Variants in OR2L13 observed in about 807,000 individuals in gnomAD.
OR2L13 encodes olfactory receptor family 2 subfamily L member 13.
In OR2L13, 14 loss-of-function variants were observed where a neutral mutation model predicts 15.3. The ratio of observed to expected loss-of-function variants is 0.91; its 90% CI spans 0.60 to 1.43. The LOEUF is 1.43. Among genes scored for constraint, OR2L13 ranks in the 40% most tolerant of loss-of-function variants. The pLI, the probability that OR2L13 is intolerant of heterozygous loss-of-function variation, is 0.00. For synonymous variants in OR2L13, 152 were observed against 142.9 expected (o/e 1.06, Z -0.45); for missense variants, 367 against 387.9 (o/e 0.95, Z 0.45).
At chr1:247,977,017 C>G in the OR2L13 span, among the ~76,000 whole-genome samples, 1 of 151,774 alleles carries the variant, frequency 6.6e-6, no homozygotes, top group African/African-American at 2.4e-5. Flanking sequence ...TCAACTTTAT[C>G]TTTATATTCT....
At chr1:247,947,649 A>G in the OR2L13 span, among the ~76,000 whole-genome samples, 2 of 152,226 alleles carry the variant, frequency 1.3e-5, no homozygotes, top group African/African-American at 4.8e-5. Flanking sequence ...AATCTGTAAC[A>G]TATTTGGTAA....
chr1:247,970,081 G>T, the OR2L13 span, among the ~76,000 whole-genome samples: 1 of 152,168 alleles, frequency 6.6e-6, no homozygotes, highest in Non-Finnish European at 1.5e-5. Context: ...AAGAAAACCT[G>T]TGTTGCCAGG....
chr1:248,068,347 C>T, the OR2L13 span, among the ~76,000 whole-genome samples: 22 of 152,190 alleles, frequency 1.4e-4, no homozygotes, highest in East Asian at 2.1e-3. Context: ...CATGAAAATC[C>T]GCTGTTCTGC....
chr1:247,981,573 C>A, the OR2L13 span, among the ~76,000 whole-genome samples: 2 of 152,116 alleles, frequency 1.3e-5, no homozygotes, highest in African/African-American at 4.8e-5. Flanking sequence ...ATAGAAATAT[C>A]TGCTTTAACA....
the OR2L13 span, chr1:248,061,509 C>T: frequency 6.2e-7 from 1 of 1,613,944 alleles, no homozygotes; most frequent in Admixed American, 1.7e-5. Context: ...TGGCTGTCTT[C>T]TACACCACCC....
chr1:248,023,258 T>C, the OR2L13 span: 1 of 157,478 alleles, frequency 6.4e-6, no homozygotes, highest in East Asian at 1.9e-4. Flanking sequence ...TTAAGATTAC[T>C]GAATCTAATT....
intron 1 of OR2L13, among the ~76,000 whole-genome samples, chr1:248,097,509 T>A (rs557744267): frequency 3.9e-5 from 6 of 152,328 alleles, no homozygotes; most frequent in Non-Finnish European, 8.8e-5. Context: ...CACAGGATCC[T>A]AAAAGTAACT....
At chr1:247,978,935 T>C in the OR2L13 span, among the ~76,000 whole-genome samples, 1 of 152,118 alleles carries the variant, frequency 6.6e-6, no homozygotes, top group Non-Finnish European at 1.5e-5. Context: ...TTGTTTCATA[T>C]GCCCAAGTCC....
the OR2L13 span, among the ~76,000 whole-genome samples, chr1:248,050,644 T>C: frequency 6.6e-6 from 1 of 152,214 alleles, no homozygotes; most frequent in Non-Finnish European, 1.5e-5. Flanking sequence ...TAATGTTAAC[T>C]ATTTCTTGGA....
chr1:247,989,886 C>T, the OR2L13 span, among the ~76,000 whole-genome samples: 5 of 152,090 alleles, frequency 3.3e-5, no homozygotes, highest in African/African-American at 1.2e-4. Flanking sequence ...CTACATTGTT[C>T]CCCTCACTTT....
At chr1:247,951,127 T>C in the OR2L13 span, among the ~76,000 whole-genome samples, 7 of 152,322 alleles carry the variant, frequency 4.6e-5, no homozygotes, top group South Asian at 1.2e-3. Flanking sequence ...GAATTCTCTG[T>C]TCTGTGTCAT....
At chr1:247,960,828 G>T in the OR2L13 span, among the ~76,000 whole-genome samples, 1 of 152,178 alleles carries the variant, frequency 6.6e-6, no homozygotes, top group Non-Finnish European at 1.5e-5. Context: ...TTTTCCAGGT[G>T]CTGTCTGTCA....
the OR2L13 span, among the ~76,000 whole-genome samples, chr1:248,059,917 G>A: frequency 8.6e-5 from 13 of 151,934 alleles, no homozygotes; most frequent in Admixed American, 3.3e-4. Context: ...GCTTGTGGTC[G>A]TAGTCTCAGC....
At chr1:248,085,486 T>A in the OR2L13 span, among the ~76,000 whole-genome samples, 23 of 67,344 alleles carry the variant, frequency 3.4e-4, no homozygotes, top group Admixed American at 1.9e-3. Context: ...AAAAAAAAAA[T>A]CACTACTGTC....
the OR2L13 span, among the ~76,000 whole-genome samples, chr1:247,957,494 G>T: frequency 2.0e-5 from 3 of 152,104 alleles, no homozygotes. Context: ...TTTTCTATTG[G>T]TTGGAATAGT....
upstream of OR2L13, among the ~76,000 whole-genome samples, chr1:248,091,592 C>T (rs1444958038): frequency 4.0e-5 from 6 of 151,748 alleles, no homozygotes; most frequent in East Asian, 3.9e-4. Context: ...AGATGGCTCT[C>T]GGTGTACGGC....
chr1:248,095,109 T>C (rs917019994), upstream of OR2L13: 3 of 152,064 alleles, frequency 2.0e-5, no homozygotes, highest in African/African-American at 4.8e-5. Context: ...ACACTGGAGA[T>C]CAATTAGAGG....
the OR2L13 span, among the ~76,000 whole-genome samples, chr1:247,971,700 C>G: frequency 1.3e-3 from 191 of 152,114 alleles, 1 homozygote; most frequent in Non-Finnish European, 1.7e-3. Context: ...GTCAATATTA[C>G]ACAGATCAAT....
the OR2L13 span, among the ~76,000 whole-genome samples, chr1:247,969,584 C>T: frequency 1.3e-5 from 2 of 152,184 alleles, no homozygotes; most frequent in African/African-American, 2.4e-5. Flanking sequence ...AAGCAGACCT[C>T]ACTTTCAAAT....
Sources: allele counts gnomAD v4.1 joint callset (sites outside exome capture counted in the v4.1 genomes callset), GRCh38; gene constraint gnomAD v4.1.1; transcripts MANE v1.5; gene names NCBI Gene and HGNC (gene_info 2026-07-23, HGNC 2026-07-21).